The following SPMIP4 variants were observed in gnomAD, a reference collection of about 807,000 sequenced individuals.
The protein encoded by SPMIP4 is sperm microtubule inner protein 4.
chr7:25,132,272 C>G, the SPMIP4 span, among the ~76,000 whole-genome samples: 1 of 152,170 alleles, frequency 6.6e-6, no homozygotes, highest in African/African-American at 2.4e-5. This position sits in a 1 kb window ranked among gnomAD's most constrained non-coding sequence, Gnocchi z 5.0. Flanking sequence ...AAGTTGCAAG[C>G]CCCATGTTTA....
chr7:25,168,541 A>G, the SPMIP4 span: 1 of 1,209,748 alleles, frequency 8.3e-7, no homozygotes, highest in Non-Finnish European at 1.1e-6. Context: ...ATTGCATAAA[A>G]TTCCTACCAC....
At chr7:25,174,118 T>C in the SPMIP4 span, among the ~76,000 whole-genome samples, 4 of 152,216 alleles carry the variant, frequency 2.6e-5, no homozygotes, top group African/African-American at 4.8e-5. This position sits in a 1 kb window ranked among gnomAD's most constrained non-coding sequence, Gnocchi z 4.5. Context: ...TAAAAAATGA[T>C]AGTTATCTGC....
the SPMIP4 span, among the ~76,000 whole-genome samples, chr7:25,164,324 G>T: frequency 1.3e-5 from 2 of 152,138 alleles, no homozygotes; most frequent in South Asian, 4.1e-4. Flanking sequence ...ATAATGATGT[G>T]GTAATTTTGG....
chr7:25,173,151 G>C, the SPMIP4 span, among the ~76,000 whole-genome samples: 1 of 152,024 alleles, frequency 6.6e-6, no homozygotes, highest in Non-Finnish European at 1.5e-5. The surrounding 1 kb of genome is among the most constrained non-coding windows in gnomAD (Gnocchi z 4.4). Context: ...GAAAGAGAAA[G>C]AGGTATGGAC....
chr7:25,177,258 G>A, the SPMIP4 span, among the ~76,000 whole-genome samples: 1 of 152,138 alleles, frequency 6.6e-6, no homozygotes, highest in Admixed American at 6.5e-5. Flanking sequence ...TGAGGCGGAT[G>A]GATCACGAGG....
chr7:25,158,507 G>A, the SPMIP4 span: 243 of 1,607,710 alleles, frequency 1.5e-4, 2 homozygotes, highest in South Asian at 2.6e-3. Flanking sequence ...TTACCCTACT[G>A]TTGAATTAGG....
chr7:25,150,294 G>C, the SPMIP4 span, among the ~76,000 whole-genome samples: 6 of 152,128 alleles, frequency 3.9e-5, no homozygotes, highest in Non-Finnish European at 2.9e-5. Flanking sequence ...TGATAGGATG[G>C]GTTCTAGAAT....
the SPMIP4 span, chr7:25,136,212 CTCT>C: frequency 6.2e-7 from 1 of 1,614,166 alleles, no homozygotes. This position sits in a 1 kb window ranked among gnomAD's most constrained non-coding sequence, Gnocchi z 5.7. Flanking sequence ...TCAAGAACAA[CTCT>C]TCTTCTGGCT....
At chr7:25,131,499 G>C in the SPMIP4 span, among the ~76,000 whole-genome samples, 1 of 152,170 alleles carries the variant, frequency 6.6e-6, no homozygotes. This position sits in a 1 kb window ranked among gnomAD's most constrained non-coding sequence, Gnocchi z 4.2. Context: ...GAAGACCTGA[G>C]AAGGTAGAGA....
At chr7:25,148,078 G>C in the SPMIP4 span, among the ~76,000 whole-genome samples, 1 of 152,126 alleles carries the variant, frequency 6.6e-6, no homozygotes, top group African/African-American at 2.4e-5. Flanking sequence ...CCTTCCCTGG[G>C]TAGAGCAGAA....
chr7:25,146,059 T>C, the SPMIP4 span, among the ~76,000 whole-genome samples: 1 of 152,216 alleles, frequency 6.6e-6, no homozygotes, highest in Non-Finnish European at 1.5e-5. Context: ...GGTTCTTTAT[T>C]AGATATTTTA....
the SPMIP4 span, chr7:25,151,562 T>C: frequency 7.5e-7 from 1 of 1,337,224 alleles, no homozygotes; most frequent in Non-Finnish European, 1.1e-6. Flanking sequence ...TATTTGTTAC[T>C]TTCCTTTAAA....
At chr7:25,126,218 A>G in the SPMIP4 span, among the ~76,000 whole-genome samples, 513 of 152,238 alleles carry the variant, frequency 3.4e-3, 1 homozygote, top group Middle Eastern at 6.8e-3. Flanking sequence ...TGTACAATAA[A>G]TTATTGTTGA....
the SPMIP4 span, among the ~76,000 whole-genome samples, chr7:25,178,355 T>C: frequency 2.6e-5 from 4 of 152,226 alleles, no homozygotes; most frequent in Admixed American, 6.5e-5. Context: ...AATAATGGGA[T>C]TGCTGGGTCA....
At chr7:25,174,719 ATGTT>A in the SPMIP4 span, among the ~76,000 whole-genome samples, 1 of 152,206 alleles carries the variant, frequency 6.6e-6, no homozygotes, top group Non-Finnish European at 1.5e-5. This position sits in a 1 kb window ranked among gnomAD's most constrained non-coding sequence, Gnocchi z 4.5. Flanking sequence ...CTTAATGGAT[ATGTT>A]TGTTTGCCCT....
chr7:25,136,728 A>G, the SPMIP4 span: 1 of 1,614,140 alleles, frequency 6.2e-7, no homozygotes, highest in Non-Finnish European at 8.5e-7. This position sits in a 1 kb window ranked among gnomAD's most constrained non-coding sequence, Gnocchi z 5.7. Flanking sequence ...GTCGGTTCTG[A>G]ATTAATCGGG....
chr7:25,145,481 A>G, the SPMIP4 span, among the ~76,000 whole-genome samples: 130,120 of 152,126 alleles, frequency 0.86, 55,818 homozygotes, highest in Non-Finnish European at 0.88. Context: ...AGTATGTTAA[A>G]GGGATGTTAC....
the SPMIP4 span, among the ~76,000 whole-genome samples, chr7:25,171,304 C>T: frequency 1.3e-5 from 2 of 152,148 alleles, no homozygotes; most frequent in Non-Finnish European, 2.9e-5. Context: ...CTGTTGTAAC[C>T]TTTACCCCAG....
At chr7:25,179,250 A>G in the SPMIP4 span, 1 of 1,613,800 alleles carries the variant, frequency 6.2e-7, no homozygotes, top group Non-Finnish European at 8.5e-7. Context: ...GGTGTTGGAC[A>G]GTATGTCAGC....
Sources: allele counts gnomAD v4.1 joint callset (sites outside exome capture counted in the v4.1 genomes callset), GRCh38; gene constraint gnomAD v4.1.1; non-coding constraint Gnocchi (gnomAD v3.1); transcripts MANE v1.5; gene names NCBI Gene and HGNC (gene_info 2026-07-23, HGNC 2026-07-21).